Variants in TEX11 observed in about 807,000 individuals in gnomAD.
The protein encoded by TEX11 is testis-expressed protein 11.
In TEX11, 7 loss-of-function variants were observed where a neutral mutation model predicts 84.4. That is an observed-to-expected ratio of 0.08 (90% confidence interval 0.05 to 0.16). TEX11 has a LOEUF of 0.16. TEX11 is among the 10% of genes least tolerant of loss of function. The pLI is 1.00. For synonymous variants in TEX11, 264 were observed against 222.8 expected, an observed-to-expected ratio of 1.18 and a Z score of -1.64; for missense variants, 551 against 660.5, an observed-to-expected ratio of 0.83 and a Z score of 1.82.
chrX:70,904,100 G>A (rs9780041), intron 2 of TEX11, among the ~76,000 whole-genome samples: 20,147 of 102,422 alleles, frequency 0.2, 3,135 homozygotes, highest in African/African-American at 0.46. Context: ...GATTACAGGC[G>A]TGAGCCACCA....
chrX:70,535,564 T>A (rs961655732), intron 28 of TEX11, among the ~76,000 whole-genome samples: 4 of 110,354 alleles, frequency 3.6e-5, no homozygotes, highest in Non-Finnish European at 7.6e-5. Context: ...CTAGGAGACA[T>A]GGTGAAACCG....
intron 18 of TEX11, among the ~76,000 whole-genome samples, chrX:70,626,126 C>T (rs2089448974): frequency 9.0e-6 from 1 of 111,410 alleles, no homozygotes; most frequent in Non-Finnish European, 1.9e-5. Context: ...TTTACTCTAA[C>T]AATTACCTTA....
At position 70,811,443 on chromosome X, in the gene TEX11, G is replaced by A. The variant is rs1360565898; in HGVS notation, c.607-4653C>T. Among the ~76,000 whole-genome samples, 3 of 111,758 alleles carry A rather than the reference G, an allele frequency of 2.7e-5. No homozygotes were observed. The East Asian group carries it at 8.3e-4, about 31-fold the overall frequency. On this transcript the variant is annotated intron_variant, in intron 8 of 29. Coordinates refer to ENST00000374333, the MANE Select transcript of TEX11 (RefSeq NM_031276.3). ...ACTATCACTGATGGACATTTGGGTT[G>A]GTTCCAAGTCTTTGCTATTGTGAAT...
At chrX:70,898,568 A>G (rs2091785483) in intron 2 of TEX11, among the ~76,000 whole-genome samples, 1 of 110,298 alleles carries the variant, frequency 9.1e-6, no homozygotes, top group Non-Finnish European at 1.9e-5. Context: ...AGAAAGTTCA[A>G]TTCTGTGGGT....
chrX:70,901,848 C>G (rs765270271), intron 2 of TEX11, among the ~76,000 whole-genome samples: 2 of 112,582 alleles, frequency 1.8e-5, no homozygotes, highest in East Asian at 5.6e-4. Context: ...AGGCTACAAA[C>G]CTATAACTCA....
At chrX:70,647,137 A>C (rs1166413255) in intron 17 of TEX11, among the ~76,000 whole-genome samples, 1 of 111,796 alleles carries the variant, frequency 8.9e-6, no homozygotes, top group African/African-American at 3.3e-5. Flanking sequence ...CCAGGCACAC[A>C]AAAATAAATA....
chrX:70,794,104 C>G (rs970819697), intron 9 of TEX11, among the ~76,000 whole-genome samples: 4 of 111,754 alleles, frequency 3.6e-5, no homozygotes, highest in Non-Finnish European at 5.6e-5. Context: ...GAAAGAGGCA[C>G]TGAAGAGGGT....
chrX:70,672,094 G>A (rs1468708990), intron 15 of TEX11, among the ~76,000 whole-genome samples: 1 of 108,256 alleles, frequency 9.2e-6, no homozygotes, highest in Non-Finnish European at 1.9e-5. Context: ...TTTATACAAT[G>A]GAATCATCTA....
At chrX:70,653,478 A>G (rs1419753617) in intron 16 of TEX11, among the ~76,000 whole-genome samples, 2 of 112,415 alleles carry the variant, frequency 1.8e-5, no homozygotes, top group Non-Finnish European at 3.8e-5. Flanking sequence ...GCAAATTAAA[A>G]CAGCAATGAG....
chrX:70,525,564 G>A (rs1418807264), downstream of TEX11, among the ~76,000 whole-genome samples: 1 of 103,696 alleles, frequency 9.6e-6, no homozygotes, highest in East Asian at 3.1e-4. Flanking sequence ...TCCAGCCTGG[G>A]CAACAGAGCA....
At chrX:70,661,689 T>C (rs866716094) in intron 16 of TEX11, among the ~76,000 whole-genome samples, 7 of 111,435 alleles carry the variant, frequency 6.3e-5, no homozygotes, top group African/African-American at 9.8e-5. Flanking sequence ...TCCAGAGGAA[T>C]GATCAGGCAG....
intron 17 of TEX11, among the ~76,000 whole-genome samples, chrX:70,641,652 C>T (rs1328721738): frequency 1.8e-5 from 2 of 111,498 alleles, no homozygotes; most frequent in African/African-American, 6.5e-5. Context: ...ACTGAACAAC[C>T]TGCTCCTCAA....
intron 9 of TEX11, among the ~76,000 whole-genome samples, chrX:70,766,535 A>G (rs1334296734): frequency 8.9e-6 from 1 of 111,855 alleles, no homozygotes; most frequent in East Asian, 2.8e-4. Flanking sequence ...CAATACTGTT[A>G]ACATGTCCAT....
intron 9 of TEX11, among the ~76,000 whole-genome samples, chrX:70,796,314 G>C (rs180955290): frequency 7.4e-4 from 82 of 111,172 alleles, no homozygotes; most frequent in Non-Finnish European, 1.4e-3. Context: ...GGAGACAAAA[G>C]AAAAAAGAAT....
intron 25 of TEX11, among the ~76,000 whole-genome samples, chrX:70,568,141 TC>T (rs2147965256): frequency 8.9e-6 from 1 of 111,923 alleles, no homozygotes; most frequent in South Asian, 3.8e-4. Flanking sequence ...GTTGAATTGA[TC>T]CCTTTACCAT....
At chrX:70,527,182 G>A (rs907491198), downstream of TEX11, among the ~76,000 whole-genome samples, 9 of 112,094 alleles carry the variant, frequency 8.0e-5, no homozygotes, top group Middle Eastern at 4.2e-3. Context: ...AGTGGTGAAA[G>A]TTTAATGAGG....
At chrX:70,715,112 A>C (rs746560763) in intron 13 of TEX11, among the ~76,000 whole-genome samples, 1 of 111,181 alleles carries the variant, frequency 9.0e-6, no homozygotes, top group African/African-American at 3.3e-5. Context: ...AGAATGTTGA[A>C]TATTGGCCCC....
At chrX:70,760,232 A>G (rs897678462) in intron 9 of TEX11, among the ~76,000 whole-genome samples, 1 of 112,000 alleles carries the variant, frequency 8.9e-6, no homozygotes, top group Non-Finnish European at 1.9e-5. Context: ...CAAGCTACCA[A>G]TGACTTTCTT....
At chrX:70,880,237 A>T in intron 2 of TEX11, 128 bp from the exon 3 acceptor site, 1 of 384,065 alleles carries the variant, frequency 2.6e-6, no homozygotes, top group Non-Finnish European at 4.1e-6. Context: ...TGATCCTTAG[A>T]GTAAAACCAA....
Sources: allele counts gnomAD v4.1 joint callset (sites outside exome capture counted in the v4.1 genomes callset), GRCh38; gene constraint gnomAD v4.1.1; transcripts MANE v1.5; gene names NCBI Gene and HGNC (gene_info 2026-07-23, HGNC 2026-07-21).